Variants in FDPS observed in about 807,000 individuals in gnomAD.
FDPS encodes farnesyl pyrophosphate synthase.
Under a neutral mutation model 49.5 loss-of-function variants are expected in FDPS, and 29 were observed. The ratio of observed to expected loss-of-function variants is 0.59; its 90% CI spans 0.44 to 0.80. The LOEUF is 0.80. Among genes scored for constraint, FDPS ranks in the 30% least tolerant of loss-of-function variants. The probability of loss-of-function intolerance (pLI) is 0.00; values close to 1 mark genes in which losing one functional copy is unlikely to be tolerated. For synonymous variants in FDPS, 172 were observed against 206.4 expected, an observed-to-expected ratio of 0.83 and a Z score of 1.43; for missense variants, 414 against 525.6, an observed-to-expected ratio of 0.79 and a Z score of 2.08.
chr1:155,315,467 CA>C (rs1347173743), intron 4 of FDPS, among the ~76,000 whole-genome samples: 2 of 152,126 alleles, frequency 1.3e-5, no homozygotes, highest in Non-Finnish European at 2.9e-5. Context: ...ATCATGAAGT[CA>C]GGAGATCGAG....
rs1159775007 is a variant in FDPS at position 155,320,579 on chromosome 1, T to C, written c.1230T>C (p.Leu410=). Residue 410 remains leucine (L), a synonymous_variant, in exon 11 of 11, where the codon CTT becomes CTC. Transcript: ENST00000368356. ...APLPPAVFLG[L]ARKIYKRRK ...TGCCCCCAGCCGTCTTTCTGGGGCT[T>C]GCGCGCAAAATCTACAAGCGGAGAA... is the stretch of plus-strand genomic sequence containing the variant. 6.2e-7 allele frequency: 1 copy of C among 1,614,180 alleles called. No individual in the cohort carries two copies. Among genetic ancestry groups the C allele is most frequent in the Admixed American group, 1.7e-5 (1 of 60,026 alleles).
rs920433820 is a variant in FDPS at position 155,319,522 on chromosome 1, T to G, written c.847-89T>G. 3 of 1,336,544 alleles carry G rather than the reference T, an allele frequency of 2.2e-6. No individual in the cohort carries two copies. In the African/African-American group the frequency reaches 4.3e-5, roughly 19 times the overall value. The allele number at this position is 1,336,544 out of a possible 1,614,324, so 82.8% of individuals were successfully genotyped here. A position where few individuals can be genotyped will look rare whatever the true frequency, so the allele number is the denominator to read the frequency against. Reference sequence around the variant, plus strand: ...TGAAGAGAGAGGAAAGATTTGGGGCTGCAGTAGGGCAAGACCCCATGGGAG... The same window carrying G: ...TGAAGAGAGAGGAAAGATTTGGGGCGGCAGTAGGGCAAGACCCCATGGGAG... On this transcript the variant is annotated intron_variant, in intron 8 of 10. Coordinates refer to ENST00000368356, the MANE Select transcript of FDPS (RefSeq NM_002004.4).
intron 3 of FDPS, chr1:155,310,446 G>C (rs182750434): frequency 2.0e-6 from 1 of 491,000 alleles, no homozygotes; most frequent in Non-Finnish European, 3.6e-6. Context: ...GAGTAGCTGG[G>C]ATTACAGGTG....
chr1:155,316,111 C>T (rs1224360162), intron 4 of FDPS, among the ~76,000 whole-genome samples: 2 of 151,120 alleles, frequency 1.3e-5, no homozygotes, highest in Non-Finnish European at 3.0e-5. Context: ...AAAAATTAGC[C>T]GGGTGTGATG....
In FDPS at chr1:155,319,633, A is replaced by G. The variant is rs2229578; in HGVS notation, c.869A>G (p.Glu290Gly). The G allele has an allele frequency of 6.2e-7, 1 of 1,614,168 alleles. No homozygotes were observed. The highest frequency in any genetic ancestry group is 1.1e-5 in the South Asian group (1 of 91,074). Residue 290 changes from glutamate to glycine, a missense_variant, in exon 9 of 11, where the codon GAG becomes GGG. By Grantham distance (98) the Glu-to-Gly change is moderately conservative (BLOSUM62 -2). Coordinates refer to ENST00000368356, the MANE Select transcript of FDPS (RefSeq NM_002004.4). The stretch of plus-strand genomic sequence containing the variant: ...CAGGCAGGAATTGATGGCGAGAAGG[A>G]GCACGCCAATGCCAAGAAGATCCTG... Reference protein sequence around the residue: ...MYMAGIDGEKEHANAKKILLE... With the variant: ...MYMAGIDGEKGHANAKKILLE...
chr1:155,309,638 GTAATTGTCCC>G (rs1648572133), intron 1 of FDPS, 141 bp from the exon 2 acceptor site: 1 of 646,168 alleles, frequency 1.5e-6, no homozygotes, highest in Non-Finnish European at 2.5e-6. Flanking sequence ...TATCCTTCCT[GTAATTGTCCC>G]CAAGCACATT....
intron 3 of FDPS, among the ~76,000 whole-genome samples, chr1:155,311,746 G>T (rs1433383017): frequency 2.0e-5 from 3 of 152,124 alleles, no homozygotes; most frequent in Non-Finnish European, 2.9e-5. Flanking sequence ...GCCAAGGCGG[G>T]TGGATGACTT....
intron 4 of FDPS, chr1:155,317,490 G>A (rs1649590976): frequency 6.3e-6 from 1 of 159,526 alleles, no homozygotes; most frequent in Non-Finnish European, 1.4e-5. Context: ...CCATAGCACA[G>A]AAGTCTTCTG....
intron 4 of FDPS, among the ~76,000 whole-genome samples, chr1:155,314,188 A>T (rs1051233464): frequency 1.4e-5 from 2 of 141,006 alleles, no homozygotes; most frequent in African/African-American, 5.3e-5. Flanking sequence ...AAAATTTTTA[A>T]TTTTTTTTTT....
chr1:155,319,264 CCTTG>C (rs575781372), intron 8 of FDPS, among the ~76,000 whole-genome samples: 18 of 152,282 alleles, frequency 1.2e-4, no homozygotes, highest in African/African-American at 3.8e-4. Flanking sequence ...TCTACCCTGA[CCTTG>C]CTTCTCTACA....
At chr1:155,315,822 G>A (rs1030297680) in intron 4 of FDPS, among the ~76,000 whole-genome samples, 1 of 151,008 alleles carries the variant, frequency 6.6e-6, no homozygotes, top group African/African-American at 2.4e-5. Flanking sequence ...AGCCAAGATC[G>A]CGCTATTGCA....
At position 155,318,711 on chromosome 1, in the gene FDPS, C is replaced by T. The variant is rs1425470256; in HGVS notation, c.731C>T (p.Ala244Val). The T allele has an allele frequency of 1.2e-6, 2 of 1,613,156 alleles. No individual in the cohort carries two copies. Among genetic ancestry groups the T allele is most frequent in the East Asian group, 2.2e-5 (1 of 44,866 alleles). Residue 244 changes from alanine (A) to valine (V), a missense_variant, in exon 7 of 11, where the codon GCC becomes GTC. Physicochemically the swap from Ala to Val is moderately conservative, Grantham distance 64. Transcript: ENST00000368356. This position sits in a 1 kb window ranked among gnomAD's most constrained non-coding sequence, Gnocchi z 4.2. ...EIGQTLDLLT[A>V]PQGNVDLVRF... The stretch of plus-strand genomic sequence containing the variant: ...GGGCAGACCCTGGACCTCCTCACAG[C>T]CCCCCAGGGCAATGTGGATCTTGTC...
chr1:155,309,912 C>T lies in FDPS; in HGVS notation c.123C>T (p.Val41=), dbSNP rs1421795352. The T allele has an allele frequency of 6.2e-7, 1 of 1,601,760 alleles. No individual in the cohort carries two copies. The highest frequency in any genetic ancestry group is 1.3e-5 in the African/African-American group (1 of 74,736). The change falls in exon 2 of 11, where the codon GTC becomes GTT. Residue 41 remains valine (V), a synonymous_variant. Coordinates refer to ENST00000368356, the MANE Select transcript of FDPS (RefSeq NM_002004.4). ...RRPSLVHGYP[V]LAWHSARCWC... The stretch of plus-strand genomic sequence containing the variant: ...CCTCCCTGGTGCACGGGTACCCAGT[C>T]CTGGCCTGGCACAGTGCCCGCTGCT...
intron 4 of FDPS, among the ~76,000 whole-genome samples, chr1:155,314,007 C>CG (rs1649063696): frequency 6.6e-6 from 1 of 151,748 alleles, no homozygotes; most frequent in African/African-American, 2.4e-5. Flanking sequence ...TTAGTAGAGA[C>CG]GGGGTTTCAC....
At chr1:155,313,723 G>T (rs1366468267) in intron 4 of FDPS, among the ~76,000 whole-genome samples, 1 of 152,130 alleles carries the variant, frequency 6.6e-6, no homozygotes, top group Non-Finnish European at 1.5e-5. Flanking sequence ...GACAGGCAAG[G>T]AAGGAAGGGA....
Position 155,308,903 on chromosome 1 carries a change from A to T in FDPS, c.-64A>T. ...ACCCACAGAGCCGATCGCGGAGCGGATTCTGCTTTTAGGAGTACCCGCCAA... is the reference window on the plus strand; with the variant it reads ...ACCCACAGAGCCGATCGCGGAGCGGTTTCTGCTTTTAGGAGTACCCGCCAA... On this transcript the variant is annotated 5_prime_UTR_variant, in exon 1 of 11. Transcript: ENST00000368356. 4.8e-6 allele frequency: 1 copy of T among 206,286 alleles called. No individual in the cohort carries two copies. The allele number at this position is 206,286 out of a possible 1,614,324, so 12.8% of individuals were successfully genotyped here.
At chr1:155,313,750 A>C (rs1030338095) in intron 4 of FDPS, among the ~76,000 whole-genome samples, 3 of 152,084 alleles carry the variant, frequency 2.0e-5, no homozygotes, top group African/African-American at 7.2e-5. Context: ...ATGAGGGCAG[A>C]GCAGAGGAGT....
intron 3 of FDPS, among the ~76,000 whole-genome samples, chr1:155,311,302 G>A (rs1016199600): frequency 6.6e-6 from 1 of 152,192 alleles, no homozygotes; most frequent in Non-Finnish European, 1.5e-5. Flanking sequence ...TTGTGCCACT[G>A]CACTCCAGCC....
intron 4 of FDPS, chr1:155,316,902 T>A (rs1047226708): frequency 3.3e-5 from 5 of 152,204 alleles, no homozygotes; most frequent in Admixed American, 2.6e-4. Context: ...GTCAGACAAG[T>A]GTTTAGGAAA....
Sources: allele counts gnomAD v4.1 joint callset (sites outside exome capture counted in the v4.1 genomes callset), GRCh38; gene constraint gnomAD v4.1.1; non-coding constraint Gnocchi (gnomAD v3.1); transcripts MANE v1.5; gene names NCBI Gene and HGNC (gene_info 2026-07-23, HGNC 2026-07-21).